The following SETBP1 variants were observed in gnomAD, a reference collection of about 807,000 sequenced individuals.
SETBP1 encodes the protein SET binding protein 1.
A neutral mutation model predicts 101.0 loss-of-function variants in SETBP1; 9 were observed. That is an observed-to-expected ratio of 0.09 (90% confidence interval 0.05 to 0.16). SETBP1 has a LOEUF of 0.16. Ranked by LOEUF, SETBP1 falls within the 10% of genes least tolerant of loss-of-function variation. The pLI is 1.00. For missense variants in SETBP1, 1,858 were observed against 2,033.8 expected (o/e 0.91, Z 1.66); for synonymous variants, 818 against 788.5 (o/e 1.04, Z -0.63).
At chr18:44,978,718 A>G (rs1293259536) in intron 4 of SETBP1, among the ~76,000 whole-genome samples, 1 of 152,214 alleles carries the variant, frequency 6.6e-6, no homozygotes, top group African/African-American at 2.4e-5. Flanking sequence ...ATAGATGGAC[A>G]TAGAGATGTA....
intron 5 of SETBP1, among the ~76,000 whole-genome samples, chr18:45,058,289 T>C (rs2073840916): frequency 6.6e-6 from 1 of 152,196 alleles, no homozygotes; most frequent in East Asian, 1.9e-4. Flanking sequence ...GAAAAATCTG[T>C]AAACATTTAG....
intron 2 of SETBP1, among the ~76,000 whole-genome samples, chr18:44,829,137 T>C (rs758044662): frequency 2.0e-5 from 3 of 152,206 alleles, no homozygotes; most frequent in Non-Finnish European, 2.9e-5. Flanking sequence ...TGGGAGTGAC[T>C]TAGAGTGAAG....
At chr18:44,955,973 C>A (rs571462530) in intron 4 of SETBP1, among the ~76,000 whole-genome samples, 74 of 152,270 alleles carry the variant, frequency 4.9e-4, no homozygotes, top group Admixed American at 1.4e-3. Context: ...CCTGGAGACA[C>A]CATGGACAGA....
intron 3 of SETBP1, among the ~76,000 whole-genome samples, chr18:44,880,106 G>A (rs2069496246): frequency 6.6e-6 from 1 of 152,168 alleles, no homozygotes; most frequent in African/African-American, 2.4e-5. Context: ...GGACCAAAGG[G>A]CATTTGGCTG....
chr18:44,955,391 G>A (rs1480950836), intron 4 of SETBP1, among the ~76,000 whole-genome samples: 1 of 152,164 alleles, frequency 6.6e-6, no homozygotes, highest in Non-Finnish European at 1.5e-5. Context: ...TGGATACAAG[G>A]CCCAACTCTG....
intron 4 of SETBP1, among the ~76,000 whole-genome samples, chr18:45,025,275 C>A (rs190298274): frequency 6.6e-6 from 1 of 152,112 alleles, no homozygotes; most frequent in African/African-American, 2.4e-5. Flanking sequence ...GTGAAGTAAG[C>A]GAGGATGAGT....
At chr18:44,685,748 T>C (rs1000950475) in intron 1 of SETBP1, among the ~76,000 whole-genome samples, 5 of 152,230 alleles carry the variant, frequency 3.3e-5, no homozygotes, top group Non-Finnish European at 5.9e-5. Flanking sequence ...GGGATTATTG[T>C]TGCCATAGCC....
In SETBP1 at chr18:44,950,764, C is replaced by A. The variant is rs1490796232; in HGVS notation, c.1424C>A (p.Ser475Tyr). 1.2e-6 allele frequency: 2 copies of A among 1,614,062 alleles called. No homozygotes were observed. Among genetic ancestry groups the A allele is most frequent in the East Asian group, 2.2e-5 (1 of 44,864 alleles). ...PKLSKMIENE[S>Y]PSVGLETGGN... ...TTGAGTAAAATGATAGAGAATGAGT[C>A]CCCCTCAGTTGGCCTTGAAACTGGT... Residue 475 changes from serine to tyrosine, a missense_variant, in exon 4 of 6, where the codon TCC becomes TAC. Transcript: ENST00000649279.
chr18:44,994,785 A>C (rs1402220663), intron 4 of SETBP1, among the ~76,000 whole-genome samples: 1 of 152,244 alleles, frequency 6.6e-6, no homozygotes, highest in Non-Finnish European at 1.5e-5. Flanking sequence ...TACATGGCCC[A>C]ATATCTACAA....
chr18:44,973,782 C>T (rs1394522820), intron 4 of SETBP1, among the ~76,000 whole-genome samples: 3 of 152,068 alleles, frequency 2.0e-5, no homozygotes, highest in Admixed American at 1.3e-4. Flanking sequence ...GGGATAGCCG[C>T]GGTAAGTGGA....
At chr18:44,797,104 G>C (rs528151189) in intron 2 of SETBP1, among the ~76,000 whole-genome samples, 2 of 152,306 alleles carry the variant, frequency 1.3e-5, no homozygotes, top group African/African-American at 4.8e-5. Flanking sequence ...GTGTGTTAAT[G>C]CTTAACCAGA....
intron 4 of SETBP1, among the ~76,000 whole-genome samples, chr18:45,031,069 G>T (rs1166682680): frequency 2.6e-5 from 4 of 151,832 alleles, no homozygotes. Context: ...GAATGTGTTT[G>T]CTCTTGCTTT....
At chr18:44,755,022 A>G (rs2070462151) in intron 2 of SETBP1, among the ~76,000 whole-genome samples, 1 of 152,222 alleles carries the variant, frequency 6.6e-6, no homozygotes, top group Admixed American at 6.5e-5. Flanking sequence ...AAACTATCTT[A>G]TGCCCTTAAC....
At chr18:44,947,970 A>G (rs143010123) in intron 3 of SETBP1, among the ~76,000 whole-genome samples, 1 of 152,344 alleles carries the variant, frequency 6.6e-6, no homozygotes, top group East Asian at 1.9e-4. Context: ...TCCAAAGCAT[A>G]AATAGAAACT....
chr18:44,690,080 T>C (rs2068904728), intron 1 of SETBP1, among the ~76,000 whole-genome samples: 2 of 152,152 alleles, frequency 1.3e-5, no homozygotes, highest in Non-Finnish European at 2.9e-5. Flanking sequence ...AGAGGTATCT[T>C]TAGAACAAGA....
chr18:44,956,605 T>C (rs547654175), intron 4 of SETBP1, among the ~76,000 whole-genome samples: 1 of 152,318 alleles, frequency 6.6e-6, no homozygotes, highest in African/African-American at 2.4e-5. Flanking sequence ...GCTATTCTTC[T>C]CTAAAATAGA....
At chr18:44,909,178 G>A (rs777250012) in intron 3 of SETBP1, among the ~76,000 whole-genome samples, 4 of 152,220 alleles carry the variant, frequency 2.6e-5, no homozygotes, top group Non-Finnish European at 4.4e-5. Context: ...AAGGAAGGAT[G>A]AGTAAGGAGA....
At chr18:44,696,761 G>T (rs945692451) in intron 1 of SETBP1, among the ~76,000 whole-genome samples, 4 of 152,218 alleles carry the variant, frequency 2.6e-5, no homozygotes, top group Admixed American at 2.6e-4. Flanking sequence ...GGTCATAAGA[G>T]ATCCACAAAG....
At chr18:45,028,855 GTTGT>G (rs1338676661) in intron 4 of SETBP1, among the ~76,000 whole-genome samples, 2 of 152,090 alleles carry the variant, frequency 1.3e-5, no homozygotes, top group South Asian at 2.1e-4. Flanking sequence ...TTTTGATTGG[GTTGT>G]TTGTTTTTTT....
Sources: gnomAD v4.1 joint callset for allele counts (sites outside exome capture counted in the v4.1 genomes callset) on GRCh38, gnomAD v4.1.1 for gene constraint, MANE v1.5 for transcripts, NCBI Gene and HGNC (gene_info 2026-07-23, HGNC 2026-07-21) for gene names.